KIF5B: variants seen among roughly 807,000 people sequenced by gnomAD.
KIF5B encodes the protein kinesin family member 5B.
Under a neutral mutation model 132.8 loss-of-function variants are expected in KIF5B, and 49 were observed. The observed-to-expected ratio is 0.37, with a 90% CI of 0.29 to 0.47. KIF5B has a LOEUF of 0.47. Ranked by LOEUF, KIF5B falls within the 20% of genes least tolerant of loss-of-function variation. The pLI, the probability that KIF5B is intolerant of heterozygous loss-of-function variation, is 1.00. For missense variants in KIF5B, 780 were observed against 1,144.0 expected, an observed-to-expected ratio of 0.68 and a Z score of 4.59; for synonymous variants, 355 against 369.4, an observed-to-expected ratio of 0.96 and a Z score of 0.45.
intron 4 of KIF5B, 98 bp from the exon 5 acceptor site, chr10:32,038,924 C>G (rs45573335): frequency 1.4e-6 from 1 of 716,720 alleles, no homozygotes; most frequent in Admixed American, 3.1e-5. Context: ...ACTAGAGAGA[C>G]AGTTATCAAC....
At chr10:32,033,245 T>C (rs1369424414) in intron 12 of KIF5B, among the ~76,000 whole-genome samples, 1 of 152,188 alleles carries the variant, frequency 6.6e-6, no homozygotes, top group Non-Finnish European at 1.5e-5. Context: ...AGGCTCCCAA[T>C]GACCCAATGC....
intron 3 of KIF5B, 35 bp from the exon 4 acceptor site, chr10:32,039,466 A>G (rs1164481973): frequency 3.4e-6 from 3 of 885,588 alleles, no homozygotes; most frequent in Non-Finnish European, 5.4e-6. Flanking sequence ...TCTTAAATAA[A>G]TTATAAAATA....
In KIF5B at chr10:32,035,675, C is replaced by G. The variant is rs1229381463; in HGVS notation, c.817-8G>C. The stretch of plus-strand genomic sequence containing the variant: ...TCGATATGGAACATATGTCTGCATA[C>G]AAAAACAAAGAAAGAAAACAAGACC... On this transcript the variant is annotated splice_polypyrimidine_tract_variant and splice_region_variant and intron_variant, in intron 9 of 25. Coordinates refer to ENST00000302418, the MANE Select transcript of KIF5B (RefSeq NM_004521.3). 6.3e-7 allele frequency: 1 copy of G among 1,586,754 alleles called. No individual in the cohort carries two copies. Among genetic ancestry groups the G allele is most frequent in the Non-Finnish European group, 8.5e-7 (1 of 1,170,356 alleles).
chr10:32,032,849 A>G, intron 12 of KIF5B, 75 bp from the exon 13 acceptor site: 1 of 1,002,632 alleles, frequency 1.0e-6, no homozygotes, highest in Non-Finnish European at 1.6e-6. Flanking sequence ...AGGTTATAAG[A>G]TTACTACTCC....
chr10:32,035,939 T>C lies in KIF5B; in HGVS notation c.767A>G (p.Lys256Arg). The part of the protein sequence containing the change: ...AVLDEAKNIN[K>R]SLSALGNVIS... ...AACATTTCCAAGAGCAGAAAGTGAC[T>C]TGTTGATGTTTTTAGCTTCATCCAG... The change falls in exon 9 of 26, where the codon AAG (lysine) becomes AGG (arginine). Residue 256 changes from lysine to arginine, a missense_variant. Physicochemically the swap from Lys to Arg is conservative, Grantham distance 26. This residue lies in a region of KIF5B where 15 missense variants were observed against 65.0 expected (regional missense o/e 0.23). Transcript: ENST00000302418. 1 of 1,613,402 alleles carries C rather than the reference T, an allele frequency of 6.2e-7. No individual in the cohort carries two copies. Among genetic ancestry groups the C allele is most frequent in the African/African-American group, 1.3e-5 (1 of 75,036 alleles).
At position 32,019,930 on chromosome 10, in the gene KIF5B, T is replaced by C. The variant is rs763542551; in HGVS notation, c.2234A>G (p.Glu745Gly). The change falls in exon 20 of 26, where the codon GAA becomes GGA. Residue 745 changes from glutamate (E) to glycine (G), a missense_variant. By Grantham distance (98) the Glu-to-Gly change is moderately conservative. This residue lies in a region of KIF5B where 471 missense variants were observed against 569.9 expected (regional missense o/e 0.83). Coordinates refer to ENST00000302418, the MANE Select transcript of KIF5B (RefSeq NM_004521.3). ...DQNQKMMLEQ[E>G]RLRVEHEKLK... The stretch of plus-strand genomic sequence containing the variant: ...CTTCTCATGTTCTACTCTTAGACGT[T>C]CCTGCTCTAACATCATTTTCTGGTT... 17 of 1,611,794 alleles carry C rather than the reference T, an allele frequency of 1.1e-5. No homozygotes were observed. Among genetic ancestry groups the C allele is most frequent in the Non-Finnish European group, 1.4e-5 (17 of 1,179,280 alleles).
At chr10:32,015,256 A>C (rs989081757) in intron 25 of KIF5B, among the ~76,000 whole-genome samples, 1 of 152,230 alleles carries the variant, frequency 6.6e-6, no homozygotes, top group Non-Finnish European at 1.5e-5. Flanking sequence ...TTTATAAACC[A>C]TGGTACATCC....
intron 6 of KIF5B, 129 bp downstream of exon 6, chr10:32,038,034 C>G: frequency 1.8e-6 from 1 of 541,094 alleles, no homozygotes; most frequent in Non-Finnish European, 3.3e-6. Context: ...TGCTTGAACC[C>G]TGGAGGCAGA....
chr10:32,055,635 C>A (rs1841746221), intron 1 of KIF5B, among the ~76,000 whole-genome samples: 1 of 152,186 alleles, frequency 6.6e-6, no homozygotes, highest in African/African-American at 2.4e-5. Flanking sequence ...CTTCCCGTCT[C>A]CCGGCGCCGA....
intron 8 of KIF5B, among the ~76,000 whole-genome samples, chr10:32,036,841 C>G (rs1841466648): frequency 1.3e-5 from 2 of 151,958 alleles, no homozygotes; most frequent in Middle Eastern, 3.2e-3. Flanking sequence ...AATAATGAAA[C>G]AATAATCCAA....
At position 32,045,063 on chromosome 10, in the gene KIF5B, G is replaced by A. The variant is rs560947540; in HGVS notation, c.214+3401C>T. Among the ~76,000 whole-genome samples, 19 of 152,256 alleles carry A rather than the reference G, an allele frequency of 1.2e-4. 1 individual carries two copies. The highest frequency in any genetic ancestry group is 1.0e-3 in the South Asian group (5 of 4,828). ...AGTAATAGATGCATGTATCCTAAAC[G>A]TCAGGAAAACAGACTTCATCTTTTT... is the stretch of plus-strand genomic sequence containing the variant. On this transcript the variant is annotated intron_variant, in intron 2 of 25. Coordinates refer to ENST00000302418, the MANE Select transcript of KIF5B (RefSeq NM_004521.3).
At chr10:32,040,309 G>T in intron 3 of KIF5B, 75 bp downstream of exon 3, 1 of 874,470 alleles carries the variant, frequency 1.1e-6, no homozygotes, top group Non-Finnish European at 2.0e-6. Flanking sequence ...GTTTATGCAT[G>T]GTGAAATAAT....
intron 24 of KIF5B, among the ~76,000 whole-genome samples, chr10:32,016,486 T>C (rs1453081733): frequency 2.0e-5 from 3 of 151,796 alleles, no homozygotes; most frequent in Non-Finnish European, 2.9e-5. Context: ...AATAAATAAA[T>C]AAAACACAAA....
intron 1 of KIF5B, among the ~76,000 whole-genome samples, chr10:32,050,374 G>A (rs1001124535): frequency 1.3e-5 from 2 of 152,098 alleles, no homozygotes; most frequent in South Asian, 2.1e-4. Flanking sequence ...ATGAAGTGGC[G>A]GTCTGTTCGA....
rs554043672 is a variant in KIF5B, at chr10:32,024,648, C to CCAGCTA, written c.1726-1618_1726-1613dup. 2.5e-4 allele frequency among the ~76,000 whole-genome samples: 38 copies of CCAGCTA among 151,850 alleles called. No individual in the cohort carries two copies. In the South Asian group the frequency reaches 7.7e-3, roughly 31 times the overall value. On this transcript the variant is annotated intron_variant, in intron 15 of 25. Coordinates refer to ENST00000302418, the MANE Select transcript of KIF5B (RefSeq NM_004521.3). ...GGTGTGGTAGTGGGAGCCTGTAGTC[C>CCAGCTA]CAGCTACTCGGGAGGCTGAGGCAGA...
chr10:32,011,719 A>G (rs1316780640), intron 25 of KIF5B, among the ~76,000 whole-genome samples: 1 of 152,196 alleles, frequency 6.6e-6, no homozygotes, highest in African/African-American at 2.4e-5. Context: ...ACCTAAGTAG[A>G]ACTGTTTAGA....
chr10:32,054,300 TG>T (rs1367460315), intron 1 of KIF5B, among the ~76,000 whole-genome samples: 1 of 152,244 alleles, frequency 6.6e-6, no homozygotes, highest in Non-Finnish European at 1.5e-5. Flanking sequence ...AAAGGATTAC[TG>T]GGCTTAACTA....
chr10:32,026,370 G>A lies in KIF5B; in HGVS notation c.1725+2058C>T, dbSNP rs184815493. ...GGAGAATGGCATGAACCCGGGAGGC[G>A]GAGCTTGCAGTGAGCCAAGATCGCA... is the stretch of plus-strand genomic sequence containing the variant. On this transcript the variant is annotated intron_variant, in intron 15 of 25. Coordinates refer to ENST00000302418, the MANE Select transcript of KIF5B (RefSeq NM_004521.3). Among the ~76,000 whole-genome samples the A allele has an allele frequency of 5.5e-3, 794 of 143,354 alleles. 10 individuals are homozygous for A. Among genetic ancestry groups the A allele is most frequent in the African/African-American group, 0.018 (697 of 38,892 alleles). The allele number at this position is 143,354 out of a possible 152,430, so 94.0% of individuals were successfully genotyped here. A position where few individuals can be genotyped will look rare whatever the true frequency, so the allele number is the denominator to read the frequency against.
In KIF5B at chr10:32,019,841, TA is replaced by T; in HGVS notation, c.2306+16del. On this transcript the variant is annotated intron_variant, in intron 20 of 25. Coordinates refer to ENST00000302418, the MANE Select transcript of KIF5B (RefSeq NM_004521.3). Reference sequence around the variant, plus strand: ...TTAGCTTTTATTTTTAAACTTTAATTAAAAACAATTACTCACGTAAGTTCAT... The same window carrying T: ...TTAGCTTTTATTTTTAAACTTTAATTAAAACAATTACTCACGTAAGTTCAT... 1 of 1,524,098 alleles carries T rather than the reference TA, an allele frequency of 6.6e-7. No individual in the cohort carries two copies. The allele number at this position is 1,524,098 out of a possible 1,614,324, so 94.4% of individuals were successfully genotyped here.
Sources: allele counts gnomAD v4.1 joint callset (sites outside exome capture counted in the v4.1 genomes callset), GRCh38; gene constraint gnomAD v4.1.1; regional missense constraint gnomAD v4.1.1; transcripts MANE v1.5; gene names NCBI Gene and HGNC (gene_info 2026-07-23, HGNC 2026-07-21).